The following SLC6A2 variants were observed in gnomAD, a reference collection of about 807,000 sequenced individuals.
The protein encoded by SLC6A2 is sodium-dependent noradrenaline transporter.
A neutral mutation model predicts 71.7 loss-of-function variants in SLC6A2; 26 were observed. The ratio of observed to expected loss-of-function variants is 0.36; its 90% CI spans 0.27 to 0.50. The LOEUF is 0.50. Ranked by LOEUF, SLC6A2 falls within the 20% of genes least tolerant of loss-of-function variation. The pLI is 0.96. For synonymous variants in SLC6A2, 363 were observed against 337.9 expected, an observed-to-expected ratio of 1.07 and a Z score of -0.82; for missense variants, 581 against 803.9, an observed-to-expected ratio of 0.72 and a Z score of 3.35.
At chr16:55,674,157 T>C (rs1397763868) in intron 4 of SLC6A2, among the ~76,000 whole-genome samples, 1 of 152,066 alleles carries the variant, frequency 6.6e-6, no homozygotes, top group Non-Finnish European at 1.5e-5. Context: ...ACCCAATAGG[T>C]ACTTTTTCGA....
chr16:55,668,112 A>G (rs1180884915), intron 2 of SLC6A2, among the ~76,000 whole-genome samples: 2 of 151,594 alleles, frequency 1.3e-5, no homozygotes, highest in Admixed American at 6.6e-5. Context: ...CCACTGATCC[A>G]TCTTCTACTC....
chr16:55,699,485 C>T (rs1433987096), intron 11 of SLC6A2, 69 bp from the exon 12 acceptor site: 14 of 1,268,284 alleles, frequency 1.1e-5, no homozygotes, highest in Non-Finnish European at 1.6e-5. Flanking sequence ...GGGGCCAGAA[C>T]CTCATGGGAG....
At position 55,656,306 on chromosome 16, in the gene SLC6A2, C is replaced by A. The variant is rs560916022; in HGVS notation, c.-52+137C>A. On this transcript the variant is annotated intron_variant, in intron 1 of 14. Transcript: ENST00000568943. This position sits in a 1 kb window ranked among gnomAD's most constrained non-coding sequence, Gnocchi z 4.5. ...AAGGCTCCTGTGGCTGTTGAAGTGTCGCGGACCTGAGCTGGGGAGGGGGTC... is the reference window on the plus strand; with the variant it reads ...AAGGCTCCTGTGGCTGTTGAAGTGTAGCGGACCTGAGCTGGGGAGGGGGTC... 8.6e-6 allele frequency: 3 copies of A among 350,758 alleles called. No individual in the cohort carries two copies. The highest frequency in any genetic ancestry group is 1.6e-5 in the Non-Finnish European group (3 of 184,682). 21.7% of individuals were successfully genotyped at this position (350,758 alleles called of 1,614,324 possible).
At chr16:55,694,781 T>C (rs1237656287) in intron 7 of SLC6A2, among the ~76,000 whole-genome samples, 1 of 152,054 alleles carries the variant, frequency 6.6e-6, no homozygotes, top group Non-Finnish European at 1.5e-5. Context: ...AGATGAGCCT[T>C]GGAGGATAGT....
chr16:55,677,488 G>A (rs1216496827), intron 4 of SLC6A2, among the ~76,000 whole-genome samples: 1 of 152,100 alleles, frequency 6.6e-6, no homozygotes, highest in Non-Finnish European at 1.5e-5. Context: ...CCCAGCAGAG[G>A]CCCCAGCAGA....
chr16:55,663,847 G>C (rs962843428), intron 2 of SLC6A2, among the ~76,000 whole-genome samples: 1 of 152,042 alleles, frequency 6.6e-6, no homozygotes, highest in African/African-American at 2.4e-5. Context: ...GGAGCTGGCA[G>C]TAACAAAATT....
intron 2 of SLC6A2, among the ~76,000 whole-genome samples, chr16:55,665,755 A>G (rs535068331): frequency 7.9e-5 from 12 of 152,044 alleles, no homozygotes; most frequent in Middle Eastern, 3.4e-3. Context: ...CTCTAAACCT[A>G]ATGACCCCGG....
chr16:55,659,723 A>G (rs1964559080), intron 2 of SLC6A2, among the ~76,000 whole-genome samples: 1 of 152,230 alleles, frequency 6.6e-6, no homozygotes, highest in Non-Finnish European at 1.5e-5. Context: ...TTCAGAAACA[A>G]CAACAGAAAC....
At chr16:55,665,704 G>C (rs1237113630) in intron 2 of SLC6A2, among the ~76,000 whole-genome samples, 6 of 151,736 alleles carry the variant, frequency 4.0e-5, no homozygotes, top group African/African-American at 1.5e-4. Context: ...CCTCTACCTG[G>C]GGTCCTCCTC....
intron 4 of SLC6A2, among the ~76,000 whole-genome samples, chr16:55,681,689 A>G: frequency 6.6e-6 from 1 of 152,220 alleles, no homozygotes. Flanking sequence ...TTCCAGACTC[A>G]GGGTATATGT....
chr16:55,702,291 T>C, intron 14 of SLC6A2, 32 bp from the exon 15 acceptor site: 1 of 1,612,476 alleles, frequency 6.2e-7, no homozygotes, highest in Non-Finnish European at 8.5e-7. Context: ...GTCCCCACCA[T>C]GTCATCAAGT....
Position 55,656,975 on chromosome 16 carries a change from G to T in SLC6A2, c.274+7G>T. On this transcript the variant is annotated splice_region_variant and intron_variant, in intron 2 of 14. Coordinates refer to ENST00000568943, the MANE Select transcript of SLC6A2 (RefSeq NM_001172501.3). The surrounding 1 kb of genome is among the most constrained non-coding windows in gnomAD (Gnocchi z 4.5). ...TGCTACAAGAACGGCGGCGGTGAGC[G>T]TGGGGTCGGGCTGGGAATTTGAATC... The T allele has an allele frequency of 6.2e-7, 1 of 1,612,602 alleles. No individual in the cohort carries two copies. The highest frequency in any genetic ancestry group is 8.5e-7 in the Non-Finnish European group (1 of 1,179,330).
At chr16:55,681,322 AG>A (rs1965264528) in intron 4 of SLC6A2, among the ~76,000 whole-genome samples, 1 of 152,218 alleles carries the variant, frequency 6.6e-6, no homozygotes, top group Non-Finnish European at 1.5e-5. Flanking sequence ...TGTGATCCCC[AG>A]GGGGCTGGAG....
At chr16:55,670,497 G>A (rs1351418012) in intron 3 of SLC6A2, among the ~76,000 whole-genome samples, 6 of 152,136 alleles carry the variant, frequency 3.9e-5, no homozygotes, top group African/African-American at 1.2e-4. Flanking sequence ...AGTAAAGTCC[G>A]GGGATTGGCT....
chr16:55,685,150 G>A lies in SLC6A2; in HGVS notation c.652G>A (p.Val218Ile). The A allele has an allele frequency of 6.2e-7, 1 of 1,614,164 alleles. No individual in the cohort carries two copies. Among genetic ancestry groups the A allele is most frequent in the South Asian group, 1.1e-5 (1 of 91,084 alleles). ...CCCCTCTCCTCTGGGCAGGCGTGGT[G>A]TCCTGCACCTTCACGAGAGCAGCGG... Reference protein sequence around the residue: ...TPAAEFYERGVLHLHESSGIH... With the variant: ...TPAAEFYERGILHLHESSGIH... The change falls in exon 5 of 15, where the codon GTC becomes ATC. Residue 218 changes from valine (V) to isoleucine (I), a missense_variant. By Grantham distance (29) the Val-to-Ile change is conservative (BLOSUM62 3). Coordinates refer to ENST00000568943, the MANE Select transcript of SLC6A2 (RefSeq NM_001172501.3).
At chr16:55,696,077 G>A (rs748951348) in intron 8 of SLC6A2, 148 bp from the exon 9 acceptor site, 24 of 704,196 alleles carry the variant, frequency 3.4e-5, no homozygotes, top group Admixed American at 8.0e-5. Flanking sequence ...TGAGCTGTAA[G>A]TTCATGCTGA....
At chr16:55,662,545 C>T (rs1964638115) in intron 2 of SLC6A2, among the ~76,000 whole-genome samples, 1 of 152,122 alleles carries the variant, frequency 6.6e-6, no homozygotes, top group Non-Finnish European at 1.5e-5. Context: ...GTCATATTTC[C>T]CTCTGTGATG....
At position 55,656,492 on chromosome 16, in the gene SLC6A2, AT is replaced by A; in HGVS notation, c.-51-147del. 4.7e-6 allele frequency: 3 copies of A among 644,936 alleles called. No individual in the cohort carries two copies. Among genetic ancestry groups the A allele is most frequent in the South Asian group, 1.9e-5 (1 of 53,614 alleles). The allele number at this position is 644,936 out of a possible 1,614,324, so 40.0% of individuals were successfully genotyped here. ...GGCGTGCCCCAACCTCTGTTTCCAAATTTTTCCAGCGGACGCGCGCCCTTTT... is the reference window on the plus strand; with the variant it reads ...GGCGTGCCCCAACCTCTGTTTCCAAATTTTCCAGCGGACGCGCGCCCTTTT... On this transcript the variant is annotated intron_variant, in intron 1 of 14. Coordinates refer to ENST00000568943, the MANE Select transcript of SLC6A2 (RefSeq NM_001172501.3). The surrounding 1 kb of genome is among the most constrained non-coding windows in gnomAD (Gnocchi z 4.5).
intron 2 of SLC6A2, among the ~76,000 whole-genome samples, chr16:55,658,134 G>C (rs1964509652): frequency 6.6e-6 from 1 of 152,264 alleles, no homozygotes; most frequent in South Asian, 2.1e-4. Flanking sequence ...CTCATGACCT[G>C]TTCACAGGCT....
Sources: allele counts gnomAD v4.1 joint callset (sites outside exome capture counted in the v4.1 genomes callset), GRCh38; gene constraint gnomAD v4.1.1; non-coding constraint Gnocchi (gnomAD v3.1); transcripts MANE v1.5; gene names NCBI Gene and HGNC (gene_info 2026-07-23, HGNC 2026-07-21).